The following CENPP variants were observed in gnomAD, a reference collection of about 807,000 sequenced individuals.
CENPP encodes centromere protein P.
CENPP carries 24 observed loss-of-function variants against 35.6 expected under a neutral mutation model. That is an observed-to-expected ratio of 0.67 (90% CI 0.49 to 0.95). CENPP has a LOEUF of 0.95. CENPP is among the 40% of genes least tolerant of loss of function. CENPP has a pLI of 0.00. For missense variants in CENPP, 332 were observed against 345.3 expected (o/e 0.96, Z 0.31); for synonymous variants, 120 against 125.5 (o/e 0.96, Z 0.29).
chr9:92,520,712 C>A (rs2131236392), intron 5 of CENPP, among the ~76,000 whole-genome samples: 1 of 152,244 alleles, frequency 6.6e-6, no homozygotes, highest in South Asian at 2.1e-4. Context: ...CCCAGATGTT[C>A]ATCAACTGGT....
chr9:92,504,849 T>C (rs1488945479), intron 5 of CENPP, among the ~76,000 whole-genome samples: 1 of 152,182 alleles, frequency 6.6e-6, no homozygotes, highest in Non-Finnish European at 1.5e-5. Context: ...CCTCAGTGTT[T>C]TTAACGCAGG....
At chr9:92,413,062 G>A (rs376637244) in intron 5 of CENPP, among the ~76,000 whole-genome samples, 4 of 127,148 alleles carry the variant, frequency 3.1e-5, no homozygotes, top group African/African-American at 9.1e-5. Context: ...TTGGCTCACC[G>A]CAACTTCTGC....
intron 5 of CENPP, chr9:92,417,426 A>G: frequency 6.2e-7 from 1 of 1,614,094 alleles, no homozygotes; most frequent in Non-Finnish European, 8.5e-7. Context: ...TTTTGACGAA[A>G]TGGGAATCCT....
At chr9:92,359,079 A>G (rs1841670470) in intron 4 of CENPP, among the ~76,000 whole-genome samples, 1 of 151,112 alleles carries the variant, frequency 6.6e-6, no homozygotes, top group Non-Finnish European at 1.5e-5. Context: ...CCTCCCAAGT[A>G]GCTAGGATTA....
chr9:92,401,138 T>A, intron 5 of CENPP: 1 of 1,562,916 alleles, frequency 6.4e-7, no homozygotes, highest in Non-Finnish European at 8.8e-7. Flanking sequence ...CCTCATCTTT[T>A]TGTAATTGAA....
chr9:92,564,315 G>A (rs1452358841), intron 5 of CENPP, among the ~76,000 whole-genome samples: 4 of 152,002 alleles, frequency 2.6e-5, no homozygotes, highest in Non-Finnish European at 1.5e-5. Flanking sequence ...CTTGAGCCTG[G>A]GAGGCAGAGG....
intron 5 of CENPP, among the ~76,000 whole-genome samples, chr9:92,525,886 C>A (rs1341430186): frequency 8.3e-6 from 1 of 120,692 alleles, no homozygotes; most frequent in African/African-American, 3.3e-5. Context: ...CAGAGAGACT[C>A]TATCTCCAAA....
intron 5 of CENPP, among the ~76,000 whole-genome samples, chr9:92,413,610 G>A (rs756110602): frequency 2.0e-5 from 3 of 152,140 alleles, no homozygotes; most frequent in Non-Finnish European, 2.9e-5. Context: ...GCAAGAAAAG[G>A]GAGGTGGGCC....
intron 2 of CENPP, among the ~76,000 whole-genome samples, chr9:92,333,394 G>A (rs1487693899): frequency 6.6e-6 from 1 of 152,206 alleles, no homozygotes; most frequent in Non-Finnish European, 1.5e-5. Context: ...AATAGAGAAT[G>A]AGGATAGGCC....
chr9:92,518,903 CA>C (rs1249802638), intron 5 of CENPP, among the ~76,000 whole-genome samples: 4 of 152,084 alleles, frequency 2.6e-5, no homozygotes, highest in Non-Finnish European at 5.9e-5. Context: ...AATAAATAAA[CA>C]AATAAAGTTC....
At chr9:92,360,133 TTTTAA>T (rs1224250544) in intron 4 of CENPP, among the ~76,000 whole-genome samples, 3 of 152,232 alleles carry the variant, frequency 2.0e-5, no homozygotes, top group Non-Finnish European at 2.9e-5. Context: ...TAATATTCTC[TTTTAA>T]TTTATTTCAT....
Position 92,588,372 on chromosome 9 carries a change from C to T in CENPP, c.565-22942C>T, listed in dbSNP as rs1233931920. On this transcript the variant is annotated intron_variant, in intron 5 of 7. Transcript: ENST00000375587. Reference sequence around the variant, plus strand: ...ACACCATTCTCCTGCCTCAGTCTCCCGAGTAGCTGGGACTACAGACGCCCG... The same window carrying T: ...ACACCATTCTCCTGCCTCAGTCTCCTGAGTAGCTGGGACTACAGACGCCCG... Among the ~76,000 whole-genome samples the T allele has an allele frequency of 3.3e-5, 5 of 151,416 alleles. No individual in the cohort carries two copies. The East Asian group carries it at 8.0e-4, about 24-fold the overall frequency.
At chr9:92,416,871 C>A in intron 5 of CENPP, 21 of 1,613,884 alleles carry the variant, frequency 1.3e-5, no homozygotes, top group Non-Finnish European at 1.8e-5. Flanking sequence ...GAAGGCAAAC[C>A]AGGAGGCATT....
chr9:92,500,817 A>T, intron 5 of CENPP: 2 of 1,614,210 alleles, frequency 1.2e-6, no homozygotes, highest in Non-Finnish European at 1.7e-6. Context: ...GTGATCCAGA[A>T]ATAATTCTCT....
chr9:92,591,299 G>C (rs1052174088), intron 5 of CENPP, among the ~76,000 whole-genome samples: 4 of 151,886 alleles, frequency 2.6e-5, no homozygotes, highest in Non-Finnish European at 5.9e-5. Context: ...GCCGCCTGTA[G>C]TCCCAGCTAC....
chr9:92,545,001 G>C (rs1053195518), intron 5 of CENPP, among the ~76,000 whole-genome samples: 2 of 152,120 alleles, frequency 1.3e-5, no homozygotes, highest in Admixed American at 6.5e-5. Context: ...TGGGATTACC[G>C]GTGTGAGCAA....
At chr9:92,354,764 C>T (rs921439544) in intron 4 of CENPP, among the ~76,000 whole-genome samples, 2 of 152,200 alleles carry the variant, frequency 1.3e-5, no homozygotes, top group Non-Finnish European at 2.9e-5. Context: ...AATATTTCAG[C>T]ATAGGTTCTT....
chr9:92,530,055 A>G (rs772838325), intron 5 of CENPP, among the ~76,000 whole-genome samples: 35 of 152,270 alleles, frequency 2.3e-4, no homozygotes, highest in Non-Finnish European at 4.6e-4. Flanking sequence ...TAATCTAGAG[A>G]TTATTTAAAG....
chr9:92,338,623 T>C (rs1841008403), intron 3 of CENPP, among the ~76,000 whole-genome samples: 1 of 152,162 alleles, frequency 6.6e-6, no homozygotes, highest in Admixed American at 6.5e-5. Context: ...TTTTTTTTTT[T>C]CAAATATTTT....
Sources: gnomAD v4.1 joint callset for allele counts (sites outside exome capture counted in the v4.1 genomes callset) on GRCh38, gnomAD v4.1.1 for gene constraint, MANE v1.5 for transcripts, NCBI Gene and HGNC (gene_info 2026-07-23, HGNC 2026-07-21) for gene names.